Variants in ACTN1 observed in about 807,000 individuals in gnomAD.
The protein encoded by ACTN1 is actinin alpha 1, also known as alpha-actinin-1.
A neutral mutation model predicts 119.6 loss-of-function variants in ACTN1; 30 were observed. That is an observed-to-expected ratio of 0.25 (90% CI 0.19 to 0.34). ACTN1 has a LOEUF of 0.34. Among genes scored for constraint, ACTN1 ranks in the 10% least tolerant of loss-of-function variants. ACTN1 has a pLI of 1.00. For missense variants in ACTN1, 764 were observed against 1,223.4 expected, an observed-to-expected ratio of 0.62 and a Z score of 5.60; for synonymous variants, 429 against 472.6, an observed-to-expected ratio of 0.91 and a Z score of 1.20.
intron 8 of ACTN1, among the ~76,000 whole-genome samples, chr14:68,899,539 A>T (rs2140217897): frequency 6.7e-6 from 1 of 149,426 alleles, no homozygotes; most frequent in East Asian, 2.0e-4. Context: ...CCTCACACAC[A>T]CCCCATATCT....
intron 1 of ACTN1, among the ~76,000 whole-genome samples, chr14:68,964,617 C>T (rs957166380): frequency 2.0e-5 from 3 of 152,330 alleles, no homozygotes; most frequent in Non-Finnish European, 4.4e-5. Context: ...AACTGCCCCA[C>T]TAAAAGCTGT....
chr14:68,875,301 T>C, intron 21 of ACTN1, among the ~76,000 whole-genome samples: 1 of 152,262 alleles, frequency 6.6e-6, no homozygotes, highest in East Asian at 1.9e-4. Flanking sequence ...AATCATCTTC[T>C]GAATCACACT....
chr14:68,882,878 C>G lies in ACTN1; in HGVS notation c.1813G>C (p.Asp605His). ...GCCCATGCCCTTCAACTCACGTGGT[C>G]CCATTTGCCATTGATCTCCTGAGGC... is the stretch of plus-strand genomic sequence containing the variant. ...ITPQEINGKWDHVRQLVPRRD... is the reference protein window; with the variant it reads ...ITPQEINGKWHHVRQLVPRRD... The change falls in exon 15 of 22, where the codon GAC becomes CAC. Residue 605 changes from aspartate to histidine, a missense_variant. This residue lies in a region of ACTN1 where 544 missense variants were observed against 912.0 expected (regional missense o/e 0.60). Coordinates refer to ENST00000394419, the MANE Select transcript of ACTN1 (RefSeq NM_001130004.2). The surrounding 1 kb of genome is among the most constrained non-coding windows in gnomAD (Gnocchi z 4.5). The G allele has an allele frequency of 6.2e-7, 1 of 1,614,138 alleles. No homozygotes were observed. Among genetic ancestry groups the G allele is most frequent in the Non-Finnish European group, 8.5e-7 (1 of 1,179,992 alleles).
Position 68,878,266 on chromosome 14 carries a change from C to G in ACTN1, c.2427+192G>C, listed in dbSNP as rs549397019. The G allele has an allele frequency of 1.4e-6, 1 of 715,578 alleles. No individual in the cohort carries two copies. Among genetic ancestry groups the G allele is most frequent in the Non-Finnish European group, 2.2e-6 (1 of 461,142 alleles). The allele number at this position is 715,578 out of a possible 1,614,324, so 44.3% of individuals were successfully genotyped here. The stretch of plus-strand genomic sequence containing the variant: ...ATTGAGGCGAGGAGGTCAGGCCTCC[C>G]GGATACACACACGCCCGTGGCCGGG... On this transcript the variant is annotated intron_variant, in intron 20 of 21. Coordinates refer to ENST00000394419, the MANE Select transcript of ACTN1 (RefSeq NM_001130004.2). This position sits in a 1 kb window ranked among gnomAD's most constrained non-coding sequence, Gnocchi z 4.4.
At chr14:68,970,117 C>T (rs1445747543) in intron 1 of ACTN1, among the ~76,000 whole-genome samples, 1 of 152,148 alleles carries the variant, frequency 6.6e-6, no homozygotes. Flanking sequence ...GCCTTGTGAC[C>T]ATGCTTTCAA....
intron 3 of ACTN1, among the ~76,000 whole-genome samples, chr14:68,919,269 T>C (rs2140344128): frequency 6.6e-6 from 1 of 152,264 alleles, no homozygotes; most frequent in African/African-American, 2.4e-5. Context: ...GCTTAGGACA[T>C]GACTCTCTAG....
intron 8 of ACTN1, among the ~76,000 whole-genome samples, chr14:68,894,129 G>A (rs2032708403): frequency 6.6e-6 from 1 of 152,332 alleles, no homozygotes; most frequent in African/African-American, 2.4e-5. Context: ...CACTGGAACT[G>A]CAAGGCTTAG....
intron 1 of ACTN1, among the ~76,000 whole-genome samples, chr14:68,929,270 G>T (rs77402622): frequency 0.026 from 4,028 of 152,194 alleles, 191 homozygotes; most frequent in African/African-American, 0.091. Flanking sequence ...AGCATGAGGG[G>T]GTGGCACCTG....
chr14:68,929,344 T>C (rs1401286355), intron 1 of ACTN1, among the ~76,000 whole-genome samples: 2 of 152,044 alleles, frequency 1.3e-5, no homozygotes, highest in Non-Finnish European at 2.9e-5. Context: ...GAGAGGCCCA[T>C]GCTAGAGACC....
chr14:68,914,770 C>G (rs538260681), intron 3 of ACTN1, among the ~76,000 whole-genome samples: 1 of 152,174 alleles, frequency 6.6e-6, no homozygotes, highest in East Asian at 1.9e-4. Context: ...GACCCTGTCT[C>G]TTAAAAACAA....
chr14:68,911,601 A>G (rs1229361535), intron 4 of ACTN1, among the ~76,000 whole-genome samples: 1 of 152,254 alleles, frequency 6.6e-6, no homozygotes, highest in African/African-American at 2.4e-5. Flanking sequence ...CATCTTGTAA[A>G]AGTTTGTTTC....
Position 68,979,137 on chromosome 14 carries a change from G to T in ACTN1, c.-81C>A. 1.1e-6 allele frequency: 1 copy of T among 907,106 alleles called. No homozygotes were observed. Among genetic ancestry groups the T allele is most frequent in the Non-Finnish European group, 1.7e-6 (1 of 590,734 alleles). The allele number at this position is 907,106 out of a possible 1,614,324, so 56.2% of individuals were successfully genotyped here. A position where few individuals can be genotyped will look rare whatever the true frequency, so the allele number is the denominator to read the frequency against. Reference sequence around the variant, plus strand: ...CGGCTGCTGCCCTGGCGTGGGGAGGGAGTAGGGCTGGGCTGGGCTGGGCTG... The same window carrying T: ...CGGCTGCTGCCCTGGCGTGGGGAGGTAGTAGGGCTGGGCTGGGCTGGGCTG... On this transcript the variant is annotated 5_prime_UTR_variant, in exon 1 of 22. Transcript: ENST00000394419.
chr14:68,889,904 G>A (rs145980340), intron 11 of ACTN1, among the ~76,000 whole-genome samples: 115 of 152,358 alleles, frequency 7.5e-4, no homozygotes, highest in African/African-American at 2.7e-3. Flanking sequence ...ACTTCGTTAT[G>A]TATTAACTGA....
At chr14:68,960,882 G>C (rs1370401804) in intron 1 of ACTN1, among the ~76,000 whole-genome samples, 1 of 152,276 alleles carries the variant, frequency 6.6e-6, no homozygotes, top group Non-Finnish European at 1.5e-5. Flanking sequence ...AAACCAGCCT[G>C]ATCAACATAG....
chr14:68,884,299 T>C lies in ACTN1; in HGVS notation c.1504A>G (p.Lys502Glu). 1 of 1,613,996 alleles carries C rather than the reference T, an allele frequency of 6.2e-7. No homozygotes were observed. The highest frequency in any genetic ancestry group is 8.5e-7 in the Non-Finnish European group (1 of 1,179,918). ...KRREALERTE[K>E]LLETIDQLYL... ...AGCTGGTCAATGGTCTCCAGCAGTT[T>C]CTCGGTCCGCTGGGAGTGCCAAATA... is the stretch of plus-strand genomic sequence containing the variant. The change falls in exon 14 of 22, where the codon AAA becomes GAA. Residue 502 changes from lysine (K) to glutamate (E), a missense_variant. This residue lies in a region of ACTN1 where 544 missense variants were observed against 912.0 expected (regional missense o/e 0.60). Transcript: ENST00000394419.
intron 16 of ACTN1, among the ~76,000 whole-genome samples, chr14:68,881,845 G>A (rs1388660286): frequency 1.3e-5 from 2 of 151,898 alleles, no homozygotes; most frequent in African/African-American, 4.8e-5. Context: ...GGAGAGGAAG[G>A]GGAGGCCTGA....
chr14:68,935,333 GT>G (rs2035438354), intron 1 of ACTN1, among the ~76,000 whole-genome samples: 1 of 148,344 alleles, frequency 6.7e-6, no homozygotes, highest in African/African-American at 2.5e-5. Context: ...AATGTGGTTG[GT>G]TTTTATGATG....
At chr14:68,891,859 G>T (rs1018352145) in intron 10 of ACTN1, among the ~76,000 whole-genome samples, 194 bp downstream of exon 10, 2 of 152,150 alleles carry the variant, frequency 1.3e-5, no homozygotes, top group African/African-American at 4.8e-5. Context: ...AGAGGGGGCT[G>T]CCCCACATGG....
intron 1 of ACTN1, among the ~76,000 whole-genome samples, chr14:68,931,888 G>A (rs2035237823): frequency 6.6e-6 from 1 of 152,114 alleles, no homozygotes; most frequent in African/African-American, 2.4e-5. Context: ...GGCTCGGCAA[G>A]GGCACTGGGG....
Sources: gnomAD v4.1 joint callset for allele counts (sites outside exome capture counted in the v4.1 genomes callset) on GRCh38, gnomAD v4.1.1 for gene constraint, gnomAD v4.1.1 regional missense constraint, Gnocchi (gnomAD v3.1) non-coding constraint, MANE v1.5 for transcripts, NCBI Gene and HGNC (gene_info 2026-07-23, HGNC 2026-07-21) for gene names.